The following ZNF729 variants were observed in gnomAD, a reference collection of about 807,000 sequenced individuals.
The protein encoded by ZNF729 is zinc finger protein 729.
In ZNF729, 15 loss-of-function variants were observed where a neutral mutation model predicts 12.2. The ratio of observed to expected loss-of-function variants is 1.23; its 90% confidence interval spans 0.82 to 1.89. ZNF729 has a LOEUF of 1.89. Ranked by LOEUF, ZNF729 falls within the 40% of genes most tolerant of loss-of-function variation. ZNF729 has a pLI of 0.00. For missense variants in ZNF729, 1,540 were observed against 1,456.7 expected, an observed-to-expected ratio of 1.06 and a Z score of -0.93; for synonymous variants, 492 against 476.3, an observed-to-expected ratio of 1.03 and a Z score of -0.43.
chr19:22,305,404 T>A (rs1289306726), intron 3 of ZNF729, among the ~76,000 whole-genome samples: 1 of 152,182 alleles, frequency 6.6e-6, no homozygotes, highest in Non-Finnish European at 1.5e-5. Flanking sequence ...TTTTCTATTT[T>A]TTATTATTAT....
Position 22,314,714 on chromosome 19 carries a change from A to G in ZNF729, c.1297A>G (p.Lys433Glu), listed in dbSNP as rs777948574. The change falls in exon 4 of 4, where the codon AAA becomes GAA. Residue 433 changes from lysine to glutamate, a missense_variant. By Grantham distance (56) the Lys-to-Glu change is moderately conservative. Transcript: ENST00000601693. ...KIIHTGKKPY[K>E]CEECGKAFNS... ...AATTCATACTGGAAAGAAACCCTAC[A>G]AATGTGAAGAATGTGGCAAAGCTTT... is the stretch of plus-strand genomic sequence containing the variant. 5 of 1,613,288 alleles carry G rather than the reference A, an allele frequency of 3.1e-6. No individual in the cohort carries two copies. The highest frequency in any genetic ancestry group is 4.2e-6 in the Non-Finnish European group (5 of 1,179,898).
intron 1 of ZNF729, among the ~76,000 whole-genome samples, chr19:22,287,709 C>T (rs577100470): frequency 1.3e-5 from 2 of 151,656 alleles, no homozygotes; most frequent in Non-Finnish European, 2.9e-5. Flanking sequence ...ACAGGTATCC[C>T]AAGGAGAGTA....
At chr19:22,290,774 CAG>C (rs1568570185) in intron 1 of ZNF729, among the ~76,000 whole-genome samples, 1 of 151,912 alleles carries the variant, frequency 6.6e-6, no homozygotes, top group Non-Finnish European at 1.5e-5. Context: ...AAAAAAGAGA[CAG>C]TGTGCAGAGT....
intron 3 of ZNF729, among the ~76,000 whole-genome samples, chr19:22,309,971 G>A (rs1042989170): frequency 6.6e-6 from 1 of 150,464 alleles, no homozygotes; most frequent in African/African-American, 2.4e-5. Flanking sequence ...TTTTTTTCAC[G>A]GCTATTGTAA....
rs1968528570 is a variant in ZNF729 at position 22,315,875 on chromosome 19, G to A, written c.2458G>A (p.Gly820Arg). ...KLTVHKVIHTGEKPCKCEECG... is the reference protein window; with the variant it reads ...KLTVHKVIHTREKPCKCEECG... ...TACTGTACATAAGGTAATTCATACT[G>A]GAGAGAAACCCTGCAAATGTGAAGA... is the stretch of plus-strand genomic sequence containing the variant. Residue 820 changes from glycine (G) to arginine (R), a missense_variant, in exon 4 of 4, where the codon GGA (glycine) becomes AGA (arginine). Transcript: ENST00000601693. The A allele has an allele frequency of 3.1e-6, 5 of 1,610,890 alleles. No homozygotes were observed.
At position 22,316,818 on chromosome 19, in the gene ZNF729, G is replaced by T. The variant is rs1276486258; in HGVS notation, c.3401G>T (p.Cys1134Phe). ...IIHTGEKPYK[C>F]EECGKAFSQS... The stretch of plus-strand genomic sequence containing the variant: ...CATACTGGGGAGAAACCCTACAAAT[G>T]TGAAGAATGTGGCAAAGCCTTTAGT... The change falls in exon 4 of 4, where the codon TGT becomes TTT. Residue 1134 changes from cysteine to phenylalanine, a missense_variant. Physicochemically the swap from Cys to Phe is radical, Grantham distance 205. Transcript: ENST00000601693. The T allele has an allele frequency of 1.2e-6, 2 of 1,613,016 alleles. No homozygotes were observed. Among genetic ancestry groups the T allele is most frequent in the African/African-American group, 1.3e-5 (1 of 74,920 alleles).
intron 1 of ZNF729, among the ~76,000 whole-genome samples, chr19:22,293,225 G>A (rs8103990): frequency 0.18 from 27,504 of 151,630 alleles, 2,911 homozygotes; most frequent in East Asian, 0.28. Flanking sequence ...TCACTCTGTC[G>A]CCCAGGCTAA....
At chr19:22,312,804 C>T (rs143836028) in intron 3 of ZNF729, among the ~76,000 whole-genome samples, 1 of 152,138 alleles carries the variant, frequency 6.6e-6, no homozygotes, top group Non-Finnish European at 1.5e-5. Context: ...ACCTCCGCCT[C>T]CCAGGTTCAA....
intron 1 of ZNF729, among the ~76,000 whole-genome samples, chr19:22,301,221 ACT>A (rs1026010372): frequency 4.6e-5 from 7 of 152,070 alleles, no homozygotes; most frequent in African/African-American, 1.7e-4. Context: ...GTATCAACCC[ACT>A]CTCTGTCCAT....
intron 1 of ZNF729, among the ~76,000 whole-genome samples, chr19:22,302,864 A>G (rs1215002013): frequency 1.3e-5 from 2 of 152,140 alleles, no homozygotes; most frequent in African/African-American, 4.8e-5. Context: ...ATCTCAGCTC[A>G]CTGCAACCTC....
At chr19:22,312,833 C>T (rs1414127083) in intron 3 of ZNF729, among the ~76,000 whole-genome samples, 1 of 152,134 alleles carries the variant, frequency 6.6e-6, no homozygotes, top group East Asian at 1.9e-4. Context: ...CCTGCCTCAA[C>T]CTCCCTAGTA....
At position 22,315,543 on chromosome 19, in the gene ZNF729, A is replaced by T; in HGVS notation, c.2126A>T (p.Glu709Val). ...AGACATAAGATAATTCATACTGGAGAGAAACCCTACAAATGTGAAGAATGT... is the reference window on the plus strand; with the variant it reads ...AGACATAAGATAATTCATACTGGAGTGAAACCCTACAAATGTGAAGAATGT... ...LRRHKIIHTG[E>V]KPYKCEECGK... The change falls in exon 4 of 4, where the codon GAG (glutamate) becomes GTG (valine). Residue 709 changes from glutamate (E) to valine (V), a missense_variant. Physicochemically the swap from Glu to Val is moderately radical, Grantham distance 121. Coordinates refer to ENST00000601693, the MANE Select transcript of ZNF729 (RefSeq NM_001242680.2). 1 of 1,611,246 alleles carries T rather than the reference A, an allele frequency of 6.2e-7. No homozygotes were observed. Among genetic ancestry groups the T allele is most frequent in the Non-Finnish European group, 8.5e-7 (1 of 1,179,536 alleles).
In ZNF729 at chr19:22,303,796, T is replaced by A; in HGVS notation, c.69T>A (p.Ser23=). Residue 23 remains serine, a synonymous_variant, in exon 2 of 4, where the codon TCT becomes TCA. Transcript: ENST00000601693. The part of the protein sequence containing the change: ...LTFRDVTIEF[S]LEEWQCLDTV... The stretch of plus-strand genomic sequence containing the variant: ...TTAGAGATGTGACCATAGAATTCTC[T>A]CTGGAGGAGTGGCAATGCCTGGACA... 3.8e-6 allele frequency: 6 copies of A among 1,575,286 alleles called. No homozygotes were observed. Among genetic ancestry groups the A allele is most frequent in the Non-Finnish European group, 5.2e-6 (6 of 1,155,790 alleles).
chr19:22,314,106 A>G lies in ZNF729; in HGVS notation c.689A>G (p.His230Arg). The G allele has an allele frequency of 1.3e-6, 2 of 1,548,844 alleles. No homozygotes were observed. The highest frequency in any genetic ancestry group is 1.7e-6 in the Non-Finnish European group (2 of 1,147,928). ...ACCCTTACTAAACATAAGATAATTC[A>G]TACTGAAGACAAACCTTACAAATAT... ...FSTLTKHKII[H>R]TEDKPYKYKK... Residue 230 changes from histidine to arginine, a missense_variant, in exon 4 of 4, where the codon CAT becomes CGT. Physicochemically the swap from His to Arg is conservative, Grantham distance 29 (BLOSUM62 0). Coordinates refer to ENST00000601693, the MANE Select transcript of ZNF729 (RefSeq NM_001242680.2).
intron 1 of ZNF729, among the ~76,000 whole-genome samples, chr19:22,301,330 G>C (rs934995854): frequency 6.6e-6 from 1 of 152,200 alleles, no homozygotes; most frequent in African/African-American, 2.4e-5. Flanking sequence ...CAGTCCTCAA[G>C]CTTGGCCCAA....
chr19:22,301,050 A>G (rs984189997), intron 1 of ZNF729, among the ~76,000 whole-genome samples: 1 of 152,188 alleles, frequency 6.6e-6, no homozygotes, highest in African/African-American at 2.4e-5. Context: ...TTTTTGAACT[A>G]TGTATTCATC....
rs1308656309 is a variant in ZNF729, at chr19:22,316,132, G to A, written c.2715G>A (p.Glu905=). ...LTVHKVIHTA[E]KPCKCEECGK... is the part of the protein sequence containing the mutation. Reference sequence around the variant, plus strand: ...TACATAAGGTAATTCATACTGCAGAGAAACCCTGTAAATGTGAAGAATGTG... The same window carrying A: ...TACATAAGGTAATTCATACTGCAGAAAAACCCTGTAAATGTGAAGAATGTG... Residue 905 remains glutamate, a synonymous_variant, in exon 4 of 4, where the codon GAG becomes GAA. Coordinates refer to ENST00000601693, the MANE Select transcript of ZNF729 (RefSeq NM_001242680.2). 1.5e-5 allele frequency: 24 copies of A among 1,608,282 alleles called. No homozygotes were observed. Among genetic ancestry groups the A allele is most frequent in the Non-Finnish European group, 2.0e-5 (23 of 1,177,430 alleles).
At chr19:22,306,084 G>A (rs1968373920) in intron 3 of ZNF729, among the ~76,000 whole-genome samples, 1 of 151,812 alleles carries the variant, frequency 6.6e-6, no homozygotes, top group Non-Finnish European at 1.5e-5. Flanking sequence ...CCAAAGTCCT[G>A]GAATTACATT....
At chr19:22,295,725 G>A (rs925739380) in intron 1 of ZNF729, among the ~76,000 whole-genome samples, 2 of 152,230 alleles carry the variant, frequency 1.3e-5, no homozygotes, top group African/African-American at 4.8e-5. Context: ...AAAGATAAAC[G>A]CTTTCAGCTT....
Sources: gnomAD v4.1 joint callset for allele counts (sites outside exome capture counted in the v4.1 genomes callset) on GRCh38, gnomAD v4.1.1 for gene constraint, MANE v1.5 for transcripts, NCBI Gene and HGNC (gene_info 2026-07-23, HGNC 2026-07-21) for gene names.